Variants in CYP2R1 observed in about 807,000 individuals in gnomAD.
CYP2R1 encodes cytochrome P450 family 2 subfamily R member 1.
CYP2R1 carries 40 observed loss-of-function variants against 45.7 expected under a neutral mutation model. The observed-to-expected ratio is 0.87, with a 90% CI of 0.68 to 1.14. CYP2R1 has a LOEUF of 1.14. CYP2R1 is among the 50% of genes most tolerant of loss of function. The pLI is 0.00. For synonymous variants in CYP2R1, 234 were observed against 219.3 expected (o/e 1.07, Z -0.59); for missense variants, 605 against 602.6 (o/e 1.00, Z -0.04).
At chr11:14,890,427 C>T in intron 1 of CYP2R1, 1 of 975,790 alleles carries the variant, frequency 1.0e-6, no homozygotes, top group Non-Finnish European at 1.2e-6. Context: ...AAGAATTATA[C>T]ATACCTTTAT....
Position 14,878,219 on chromosome 11 carries a change from T to C in CYP2R1, c.1409A>G (p.His470Arg). The C allele has an allele frequency of 6.2e-7, 1 of 1,613,186 alleles. No homozygotes were observed. Among genetic ancestry groups the C allele is most frequent in the South Asian group, 1.1e-5 (1 of 91,042 alleles). ...AACTAGTTCATGTGGAAAATGCAAATGAAACCTCTGAAGCAATGCTGTAAA... is the reference window on the plus strand; with the variant it reads ...AACTAGTTCATGTGGAAAATGCAAACGAAACCTCTGAAGCAATGCTGTAAA... Reference protein sequence around the residue: ...LFFTALLQRFHLHFPHELVPD... With the variant: ...LFFTALLQRFRLHFPHELVPD... The change falls in exon 5 of 5, where the codon CAT (histidine) becomes CGT (arginine). Residue 470 changes from histidine to arginine, a missense_variant. Transcript: ENST00000334636.
At chr11:14,891,762 G>T in intron 1 of CYP2R1, 1 of 1,380,912 alleles carries the variant, frequency 7.2e-7, no homozygotes, top group Non-Finnish European at 9.3e-7. Flanking sequence ...GGCCCGGAGT[G>T]GGTCACCGGC....
Position 14,892,171 on chromosome 11 carries a change from G to A in CYP2R1, c.35C>T (p.Ala12Val), listed in dbSNP as rs1555017434. The A allele has an allele frequency of 2.5e-6, 4 of 1,610,630 alleles. No individual in the cohort carries two copies. The highest frequency in any genetic ancestry group is 3.3e-5 in the Admixed American group (2 of 59,982). Residue 12 changes from alanine (A) to valine (V), a missense_variant, in exon 1 of 5, where the codon GCG becomes GTG. Coordinates refer to ENST00000334636, the MANE Select transcript of CYP2R1 (RefSeq NM_024514.5). Reference protein sequence around the residue: ...WKLWRAEEGAAALGGALFLLL... With the variant: ...WKLWRAEEGAVALGGALFLLL... Reference sequence around the variant, plus strand: ...CAGGAAGAGCGCGCCGCCGAGCGCCGCCGCGCCCTCTTCAGCTCTCCAAAG... The same window carrying A: ...CAGGAAGAGCGCGCCGCCGAGCGCCACCGCGCCCTCTTCAGCTCTCCAAAG...
At chr11:14,887,165 T>TA (rs1349546884) in intron 1 of CYP2R1, 1 of 152,094 alleles carries the variant, frequency 6.6e-6, no homozygotes, top group Non-Finnish European at 1.5e-5. Flanking sequence ...GCAGAGACAA[T>TA]AAAAAGATGC....
At chr11:14,890,980 GT>G (rs1555016628) in intron 1 of CYP2R1, 2 of 985,262 alleles carry the variant, frequency 2.0e-6, no homozygotes, top group Non-Finnish European at 1.2e-6. Context: ...AATGAGATTA[GT>G]TTTCTCTCTC....
At position 14,880,341 on chromosome 11, in the gene CYP2R1, T is replaced by G. The variant is rs1555011608; in HGVS notation, c.795A>C (p.Ser265=). 1.2e-6 allele frequency: 2 copies of G among 1,613,320 alleles called. No homozygotes were observed. Among genetic ancestry groups the G allele is most frequent in the Non-Finnish European group, 1.7e-6 (2 of 1,179,568 alleles). Residue 265 remains serine (S), a synonymous_variant, in exon 3 of 5, where the codon TCA becomes TCC. Transcript: ENST00000334636. ...DFLSRLIEKA[S]VNRKPQLPQH... is the part of the protein sequence containing the mutation. The stretch of plus-strand genomic sequence containing the variant: ...GAGGTAGCTGAGGCTTTCTGTTGAC[T>G]GAAGCTTTTTCAATGAGTCTGGAGA...
At chr11:14,891,844 T>A in intron 1 of CYP2R1, 137 bp downstream of exon 1, 3 of 1,412,164 alleles carry the variant, frequency 2.1e-6, no homozygotes, top group Non-Finnish European at 2.8e-6. Flanking sequence ...GAAGCGGGTG[T>A]CCCTCAAAGG....
In CYP2R1 at chr11:14,880,301, C is replaced by G. The variant is rs1565178731; in HGVS notation, c.835G>C (p.Ala279Pro). The G allele has an allele frequency of 1.2e-6, 2 of 1,613,064 alleles. No homozygotes were observed. The highest frequency in any genetic ancestry group is 2.7e-5 in the African/African-American group (2 of 74,864). Residue 279 changes from alanine (A) to proline (P), a missense_variant, in exon 3 of 5, where the codon GCT (alanine) becomes CCT (proline). Ala to Pro is a conservative substitution (Grantham distance 27). Transcript: ENST00000334636. The part of the protein sequence containing the change: ...KPQLPQHFVD[A>P]YLDEMDQGKN... ...CCTTGATCCATCTCATCTAAATAAGCATCAACAAAATGCTGAGGTAGCTGA... is the reference window on the plus strand; with the variant it reads ...CCTTGATCCATCTCATCTAAATAAGGATCAACAAAATGCTGAGGTAGCTGA...
chr11:14,892,124 G>A lies in CYP2R1; in HGVS notation c.82C>T (p.Arg28Cys). 1 of 1,611,620 alleles carries A rather than the reference G, an allele frequency of 6.2e-7. No individual in the cohort carries two copies. Among genetic ancestry groups the A allele is most frequent in the Non-Finnish European group, 8.5e-7 (1 of 1,179,704 alleles). Residue 28 changes from arginine (R) to cysteine (C), a missense_variant, in exon 1 of 5, where the codon CGC becomes TGC. Arg to Cys is a radical substitution (Grantham distance 180). Coordinates refer to ENST00000334636, the MANE Select transcript of CYP2R1 (RefSeq NM_024514.5). ...GGCCGCCTCTGCTTCAGCAGCTGGC[G>A]GACCCCTAGCGCGAAGAGCAGCAGG... Reference protein sequence around the residue: ...LFLLLFALGVRQLLKQRRPMG... With the variant: ...LFLLLFALGVCQLLKQRRPMG...
intron 1 of CYP2R1, chr11:14,887,738 G>T: frequency 1.6e-6 from 1 of 633,890 alleles, no homozygotes; most frequent in Non-Finnish European, 2.0e-6. Context: ...CCTTCAAGTG[G>T]TTGAGGCCCA....
In CYP2R1 at chr11:14,892,011, G is replaced by C; in HGVS notation, c.195C>G (p.Tyr65Ter). ...CGTACACCTGGCTCTGCTTTCTCATGTAGACATGGGGAAGCTCGGATGAGG... is the reference window on the plus strand; with the variant it reads ...CGTACACCTGGCTCTGCTTTCTCATCTAGACATGGGGAAGCTCGGATGAGG... ...LAASSELPHV[Y>*]MRKQSQVYGE... is the part of the protein sequence containing the mutation. Residue 65 changes from tyrosine to a stop codon, truncating the protein, a stop_gained, in exon 1 of 5, where the codon TAC becomes TAG. Transcript: ENST00000334636. LOFTEE classifies it high-confidence loss of function. The C allele has an allele frequency of 6.2e-7, 1 of 1,613,510 alleles. No homozygotes were observed. Among genetic ancestry groups the C allele is most frequent in the Non-Finnish European group, 8.5e-7 (1 of 1,179,814 alleles).
At chr11:14,881,912 T>C (rs1848402288) in intron 2 of CYP2R1, among the ~76,000 whole-genome samples, 1 of 152,124 alleles carries the variant, frequency 6.6e-6, no homozygotes, top group East Asian at 1.9e-4. Flanking sequence ...CAATACAAAA[T>C]GGACTAACAC....
chr11:14,885,958 G>T (rs782433035), intron 1 of CYP2R1, 41 bp from the exon 2 acceptor site: 10 of 1,593,530 alleles, frequency 6.3e-6, no homozygotes, highest in East Asian at 2.2e-5. Context: ...ATGACAGCAT[G>T]TATGGAGAAA....
intron 2 of CYP2R1, 89 bp downstream of exon 2, chr11:14,885,687 T>G (rs1555014178): frequency 7.3e-7 from 1 of 1,372,062 alleles, no homozygotes; most frequent in Non-Finnish European, 1.0e-6. Context: ...CAGTATAAAA[T>G]AATCCCAACT....
intron 1 of CYP2R1, chr11:14,886,925 T>C (rs1374204683): frequency 2.0e-5 from 3 of 152,264 alleles, no homozygotes; most frequent in Admixed American, 6.5e-5. Flanking sequence ...AGCTGAGTAA[T>C]GGGGCCACCA....
chr11:14,877,878 C>T lies in CYP2R1; in HGVS notation c.*244G>A, dbSNP rs1848215207. The stretch of plus-strand genomic sequence containing the variant: ...CCATGACCCTTCTTAGCATTTTAAG[C>T]AACACCCATCATTTGCACCTTTGTG... On this transcript the variant is annotated 3_prime_UTR_variant, in exon 5 of 5. Transcript: ENST00000334636. The T allele has an allele frequency of 4.1e-6, 2 of 482,846 alleles. No individual in the cohort carries two copies. The highest frequency in any genetic ancestry group is 7.3e-6 in the Non-Finnish European group (2 of 274,066). The allele number at this position is 482,846 out of a possible 1,614,324, so 29.9% of individuals were successfully genotyped here. A position where few individuals can be genotyped will look rare whatever the true frequency, so the allele number is the denominator to read the frequency against.
At chr11:14,886,668 C>T (rs983767275) in intron 1 of CYP2R1, 4 of 152,144 alleles carry the variant, frequency 2.6e-5, no homozygotes, top group African/African-American at 9.7e-5. Flanking sequence ...TATAAGAGGC[C>T]AGTCAGTGAG....
intron 1 of CYP2R1, chr11:14,886,168 G>C: frequency 2.0e-6 from 1 of 490,288 alleles, no homozygotes; most frequent in Admixed American, 3.3e-5. Flanking sequence ...AAGGGTACTG[G>C]ACTCGGGAGG....
chr11:14,892,132 A>AG lies in CYP2R1; in HGVS notation c.73dup (p.Leu25ProfsTer69), dbSNP rs1555017374. Reference sequence around the variant, plus strand: ...CTGCTTCAGCAGCTGGCGGACCCCTAGCGCGAAGAGCAGCAGGAAGAGCGC... The same window carrying AG: ...CTGCTTCAGCAGCTGGCGGACCCCTAGGCGCGAAGAGCAGCAGGAAGAGCGC... On this transcript the variant is annotated frameshift_variant, in exon 1 of 5. Transcript: ENST00000334636. LOFTEE classifies it high-confidence loss of function. The AG allele has an allele frequency of 1.2e-6, 2 of 1,611,380 alleles. No individual in the cohort carries two copies. The highest frequency in any genetic ancestry group is 8.5e-7 in the Non-Finnish European group (1 of 1,179,730).
Sources: gnomAD v4.1 joint callset for allele counts (sites outside exome capture counted in the v4.1 genomes callset) on GRCh38, gnomAD v4.1.1 for gene constraint, MANE v1.5 for transcripts, NCBI Gene and HGNC (gene_info 2026-07-23, HGNC 2026-07-21) for gene names.